Variants in PPM1L observed in about 807,000 individuals in gnomAD.
PPM1L encodes protein phosphatase 1L.
A neutral mutation model predicts 31.4 loss-of-function variants in PPM1L; 13 were observed. The ratio of observed to expected loss-of-function variants is 0.41; its 90% CI spans 0.27 to 0.66. The LOEUF (loss-of-function observed/expected upper bound fraction) is 0.66. Ranked by LOEUF, PPM1L falls within the 30% of genes least tolerant of loss-of-function variation. PPM1L has a pLI of 0.29. For missense variants in PPM1L, 326 were observed against 453.7 expected (o/e 0.72, Z 2.56); for synonymous variants, 184 against 175.4 (o/e 1.05, Z -0.39).
At chr3:160,815,000 G>T (rs557953095) in intron 1 of PPM1L, among the ~76,000 whole-genome samples, 1 of 152,038 alleles carries the variant, frequency 6.6e-6, no homozygotes, top group Non-Finnish European at 1.5e-5. Flanking sequence ...CGGGATTCAG[G>T]GGGTAGGGTA....
intron 1 of PPM1L, among the ~76,000 whole-genome samples, chr3:160,792,490 T>TTCTTC (rs113945502): frequency 0.017 from 2,585 of 152,244 alleles, 69 homozygotes; most frequent in African/African-American, 0.059. Context: ...TACACCCAGT[T>TTCTTC]TATTATTAAC....
At chr3:160,947,550 A>G (rs572975036) in intron 1 of PPM1L, among the ~76,000 whole-genome samples, 2 of 152,154 alleles carry the variant, frequency 1.3e-5, no homozygotes, top group South Asian at 4.2e-4. Context: ...CAGGCTATTT[A>G]GGTTCTTTGT....
chr3:160,973,293 A>C (rs1716414404), intron 2 of PPM1L, among the ~76,000 whole-genome samples: 1 of 152,202 alleles, frequency 6.6e-6, no homozygotes. Context: ...CCTGTCTCTG[A>C]AGTAGTATTT....
At chr3:160,914,248 T>C (rs1205327276) in intron 1 of PPM1L, among the ~76,000 whole-genome samples, 1 of 152,210 alleles carries the variant, frequency 6.6e-6, no homozygotes, top group Non-Finnish European at 1.5e-5. Flanking sequence ...TCTTTGATTT[T>C]TTTTACTGTG....
At chr3:160,983,322 T>C (rs1716861502) in intron 2 of PPM1L, among the ~76,000 whole-genome samples, 1 of 152,182 alleles carries the variant, frequency 6.6e-6, no homozygotes, top group East Asian at 1.9e-4. Context: ...CAGTTGACTG[T>C]ACCTCTTTGT....
intron 1 of PPM1L, among the ~76,000 whole-genome samples, chr3:160,854,301 C>T (rs1711610603): frequency 6.6e-6 from 1 of 152,096 alleles, no homozygotes; most frequent in South Asian, 2.1e-4. Flanking sequence ...TGAGAACTGT[C>T]CTTAGACTCT....
chr3:160,791,263 C>A (rs1183597707), intron 1 of PPM1L, among the ~76,000 whole-genome samples: 2 of 152,126 alleles, frequency 1.3e-5, no homozygotes, highest in African/African-American at 4.8e-5. Flanking sequence ...TAGAGTCAGT[C>A]AGATGCAAAA....
At position 161,008,754 on chromosome 3, in the gene PPM1L, T is replaced by C. The variant is rs1419443004; in HGVS notation, c.574+46844T>C. Among the ~76,000 whole-genome samples the C allele has an allele frequency of 2.0e-5, 3 of 152,160 alleles. 1 individual carries two copies. The highest frequency in any genetic ancestry group is 7.2e-5 in the African/African-American group (3 of 41,446). ...CTGCCAGAATGGAGTTACTGTATAC[T>C]GAGACAGGGAATGCTACAAGAGAAG... On this transcript the variant is annotated intron_variant, in intron 2 of 3. Transcript: ENST00000498165.
chr3:160,860,297 C>G, intron 1 of PPM1L, among the ~76,000 whole-genome samples: 1 of 152,168 alleles, frequency 6.6e-6, no homozygotes, highest in East Asian at 1.9e-4. Context: ...GTACAAACTC[C>G]TGACTCACCT....
At chr3:161,061,399 T>G (rs1323487685) in intron 2 of PPM1L, among the ~76,000 whole-genome samples, 1 of 152,174 alleles carries the variant, frequency 6.6e-6, no homozygotes, top group Non-Finnish European at 1.5e-5. Context: ...AACTTCACCA[T>G]GAGGTAGATC....
At chr3:160,779,435 T>C (rs1358793040) in intron 1 of PPM1L, among the ~76,000 whole-genome samples, 1 of 152,178 alleles carries the variant, frequency 6.6e-6, no homozygotes, top group Non-Finnish European at 1.5e-5. Flanking sequence ...TAATATCTGC[T>C]TCACTGAGTG....
intron 2 of PPM1L, among the ~76,000 whole-genome samples, chr3:161,010,159 C>G (rs887379338): frequency 6.6e-6 from 1 of 152,124 alleles, no homozygotes; most frequent in South Asian, 2.1e-4. Flanking sequence ...CTCCTCCCCC[C>G]ACCCCATGAC....
chr3:161,046,268 T>A (rs1277688932), intron 2 of PPM1L, among the ~76,000 whole-genome samples: 1 of 151,434 alleles, frequency 6.6e-6, no homozygotes, highest in Non-Finnish European at 1.5e-5. Flanking sequence ...TCACCACCGA[T>A]CCCACAGAAA....
intron 2 of PPM1L, among the ~76,000 whole-genome samples, chr3:161,013,742 G>C (rs1294505389): frequency 4.6e-5 from 7 of 152,108 alleles, no homozygotes; most frequent in Admixed American, 1.3e-4. Context: ...GGATAGTTCG[G>C]TCTTCTTGTT....
rs1031424021 is a variant in PPM1L at position 161,022,152 on chromosome 3, T to G, written c.575-43251T>G. Reference sequence around the variant, plus strand: ...ATTCCATTTTTTTTTTTTTTACCCTTAGTTACTTTTTGAATGACTGCTTGG... The same window carrying G: ...ATTCCATTTTTTTTTTTTTTACCCTGAGTTACTTTTTGAATGACTGCTTGG... On this transcript the variant is annotated intron_variant, in intron 2 of 3. Transcript: ENST00000498165. 5.9e-6 allele frequency: 4 copies of G among 683,540 alleles called. No individual in the cohort carries two copies. In the African/African-American group the frequency reaches 7.1e-5, roughly 12 times the overall value. 42.3% of individuals were successfully genotyped at this position (683,540 alleles called of 1,614,324 possible).
chr3:160,931,975 A>G (rs1411959367), intron 1 of PPM1L, among the ~76,000 whole-genome samples: 2 of 142,674 alleles, frequency 1.4e-5, no homozygotes, highest in Non-Finnish European at 3.2e-5. Context: ...GAGCTCTTGC[A>G]GAGGAGTCAT....
intron 1 of PPM1L, among the ~76,000 whole-genome samples, chr3:160,891,019 C>A (rs12633070): frequency 0.83 from 125,613 of 152,154 alleles, 52,040 homozygotes; most frequent in Middle Eastern, 0.89. Context: ...AACCATAAAT[C>A]CCCTAGAAGA....
chr3:161,056,217 C>T (rs1383554243), intron 2 of PPM1L, among the ~76,000 whole-genome samples: 1 of 152,004 alleles, frequency 6.6e-6, no homozygotes, highest in Non-Finnish European at 1.5e-5. Flanking sequence ...CAGGGAGAGC[C>T]TAAAAGCAGC....
At chr3:161,031,317 T>C (rs753574798) in intron 2 of PPM1L, among the ~76,000 whole-genome samples, 43 of 152,198 alleles carry the variant, frequency 2.8e-4, no homozygotes, top group Non-Finnish European at 4.1e-4. Context: ...CAAACAATTG[T>C]TGAGCAACAA....
Sources: allele counts gnomAD v4.1 joint callset (sites outside exome capture counted in the v4.1 genomes callset), GRCh38; gene constraint gnomAD v4.1.1; transcripts MANE v1.5; gene names NCBI Gene and HGNC (gene_info 2026-07-23, HGNC 2026-07-21).